CD226: variants seen among roughly 807,000 people sequenced by gnomAD.
The protein encoded by CD226 is CD226 molecule, also known as CD226 antigen.
In CD226, 24 loss-of-function variants were observed where a neutral mutation model predicts 34.9. That is an observed-to-expected ratio of 0.69 (90% CI 0.50 to 0.97). The LOEUF is 0.97. Ranked by LOEUF, CD226 falls within the 50% of genes least tolerant of loss-of-function variation. The pLI is 0.00. For missense variants in CD226, 397 were observed against 412.7 expected, an observed-to-expected ratio of 0.96 and a Z score of 0.33; for synonymous variants, 148 against 147.4, an observed-to-expected ratio of 1.00 and a Z score of -0.03.
intron 2 of CD226, among the ~76,000 whole-genome samples, chr18:69,907,374 T>A (rs368876171): frequency 3.9e-5 from 6 of 152,200 alleles, no homozygotes; most frequent in Admixed American, 3.9e-4. Flanking sequence ...TGGAGTGCAG[T>A]GATGGTATCT....
rs1383225508 is a variant in CD226 at position 69,856,248 on chromosome 18, CT to C, written c.*8065del. 6.6e-6 allele frequency: 1 copy of C among 152,020 alleles called. No homozygotes were observed. Among genetic ancestry groups the C allele is most frequent in the Non-Finnish European group, 1.5e-5 (1 of 67,986 alleles). The allele number at this position is 152,020 out of a possible 1,614,324, so 9.4% of individuals were successfully genotyped here. On this transcript the variant is annotated 3_prime_UTR_variant, in exon 6 of 6. Coordinates refer to ENST00000582621, the MANE Select transcript of CD226 (RefSeq NM_001303618.2). The stretch of plus-strand genomic sequence containing the variant: ...AAAGGGGTCAATTCTCCAAGAAAAC[CT>C]AACGATTCTGAAAGTATATGTACTA...
intron 2 of CD226, among the ~76,000 whole-genome samples, chr18:69,934,418 G>A (rs1172165169): frequency 3.9e-5 from 6 of 152,140 alleles, no homozygotes; most frequent in African/African-American, 1.4e-4. Flanking sequence ...TTAAGAGCCT[G>A]TCTGCTAAAA....
intron 2 of CD226, among the ~76,000 whole-genome samples, chr18:69,938,131 T>C (rs1034979760): frequency 2.6e-5 from 4 of 152,130 alleles, no homozygotes; most frequent in African/African-American, 9.7e-5. Flanking sequence ...TTGAGATAAA[T>C]GGACTGGAAT....
intron 2 of CD226, among the ~76,000 whole-genome samples, chr18:69,920,503 A>C (rs1403139618): frequency 5.9e-5 from 9 of 152,192 alleles, no homozygotes; most frequent in Non-Finnish European, 8.8e-5. Flanking sequence ...TCTCCTTTTT[A>C]CTTACATGAA....
At chr18:69,872,194 T>C (rs749645911) in intron 4 of CD226, among the ~76,000 whole-genome samples, 4 of 152,146 alleles carry the variant, frequency 2.6e-5, no homozygotes, top group African/African-American at 9.6e-5. Flanking sequence ...ATGAAAAATA[T>C]AGACATCAAA....
At chr18:69,958,863 C>T (rs1011469744), upstream of CD226, among the ~76,000 whole-genome samples, 1 of 151,070 alleles carries the variant, frequency 6.6e-6, no homozygotes. Flanking sequence ...AAAGCTATTG[C>T]TATTTTGTTT....
chr18:69,933,828 C>T (rs1387556271), intron 2 of CD226, among the ~76,000 whole-genome samples: 6 of 152,206 alleles, frequency 3.9e-5, no homozygotes, highest in African/African-American at 1.4e-4. Context: ...AATTCAAACA[C>T]TGTGTCAGCA....
At chr18:69,946,612 T>C in intron 2 of CD226, 122 bp downstream of exon 2, 1 of 682,664 alleles carries the variant, frequency 1.5e-6, no homozygotes, top group South Asian at 1.9e-5. Context: ...CATCTAGAAA[T>C]GGAATTGGAG....
At chr18:69,925,919 G>C (rs992153152) in intron 2 of CD226, among the ~76,000 whole-genome samples, 1 of 152,150 alleles carries the variant, frequency 6.6e-6, no homozygotes, top group Non-Finnish European at 1.5e-5. Flanking sequence ...GAGGCGGGCA[G>C]ACCACCTGAG....
At chr18:69,901,766 C>T (rs2145262642) in intron 2 of CD226, among the ~76,000 whole-genome samples, 1 of 151,978 alleles carries the variant, frequency 6.6e-6, no homozygotes, top group East Asian at 1.9e-4. Flanking sequence ...GTAGTCCCAG[C>T]TACTCAGGAG....
upstream of CD226, among the ~76,000 whole-genome samples, chr18:69,960,414 G>T (rs2055924601): frequency 6.6e-6 from 1 of 152,112 alleles, no homozygotes; most frequent in African/African-American, 2.4e-5. Flanking sequence ...CAATTATGAT[G>T]AACACAACCA....
chr18:69,895,433 C>T (rs941272762), intron 3 of CD226, among the ~76,000 whole-genome samples: 1 of 152,060 alleles, frequency 6.6e-6, no homozygotes, highest in Admixed American at 6.5e-5. Flanking sequence ...TGTTTTTCAG[C>T]CCTTTACGAA....
intron 3 of CD226, among the ~76,000 whole-genome samples, chr18:69,881,309 A>G (rs1984246621): frequency 6.6e-6 from 1 of 152,230 alleles, no homozygotes; most frequent in Admixed American, 6.5e-5. Flanking sequence ...CAGGTCATAC[A>G]AAGTTTTGAC....
At chr18:69,949,599 G>T (rs1408920955), upstream of CD226, among the ~76,000 whole-genome samples, 2 of 149,126 alleles carry the variant, frequency 1.3e-5, no homozygotes, top group Non-Finnish European at 3.0e-5. Flanking sequence ...ACACACACAC[G>T]GATACATGCA....
chr18:69,872,996 T>C, intron 4 of CD226, 148 bp downstream of exon 4: 2 of 585,410 alleles, frequency 3.4e-6, no homozygotes, highest in Admixed American at 3.1e-5. Flanking sequence ...CCCTGTAACA[T>C]TACCACAGCT....
intron 2 of CD226, among the ~76,000 whole-genome samples, chr18:69,913,295 G>C (rs1183646116): frequency 6.6e-6 from 1 of 152,152 alleles, no homozygotes; most frequent in Non-Finnish European, 1.5e-5. Flanking sequence ...TAGATCGCCA[G>C]AGCTCTGAAA....
At chr18:69,900,649 G>C (rs955314988) in intron 2 of CD226, among the ~76,000 whole-genome samples, 1 of 148,436 alleles carries the variant, frequency 6.7e-6, no homozygotes, top group Non-Finnish European at 1.5e-5. Context: ...GGAGAATGGC[G>C]TGAACCCGGG....
chr18:69,911,491 G>A (rs2055324064), intron 2 of CD226, among the ~76,000 whole-genome samples: 1 of 152,186 alleles, frequency 6.6e-6, no homozygotes, highest in Non-Finnish European at 1.5e-5. Flanking sequence ...AACCACATAT[G>A]AAGAGCGACC....
At chr18:69,926,216 C>T (rs543466788) in intron 2 of CD226, among the ~76,000 whole-genome samples, 53 of 152,050 alleles carry the variant, frequency 3.5e-4, no homozygotes, top group Admixed American at 9.2e-4. Flanking sequence ...CTATCCCATT[C>T]CCACCTCATA....
Sources: gnomAD v4.1 joint callset for allele counts (sites outside exome capture counted in the v4.1 genomes callset) on GRCh38, gnomAD v4.1.1 for gene constraint, MANE v1.5 for transcripts, NCBI Gene and HGNC (gene_info 2026-07-23, HGNC 2026-07-21) for gene names.